MRPS18A: variants seen among roughly 807,000 people sequenced by gnomAD.
The protein encoded by MRPS18A is large ribosomal subunit protein mL66.
MRPS18A carries 20 observed loss-of-function variants against 22.7 expected under a neutral mutation model. The observed-to-expected ratio is 0.88, with a 90% CI of 0.62 to 1.28. The LOEUF (loss-of-function observed/expected upper bound fraction) is 1.28, where lower values mean the gene tolerates loss of function less well. Among genes scored for constraint, MRPS18A ranks in the 50% most tolerant of loss-of-function variants. The probability of loss-of-function intolerance (pLI) is 0.00; values close to 1 mark genes in which losing one functional copy is unlikely to be tolerated. For missense variants in MRPS18A, 294 were observed against 262.6 expected, an observed-to-expected ratio of 1.12 and a Z score of -0.83; for synonymous variants, 106 against 99.1, an observed-to-expected ratio of 1.07 and a Z score of -0.41.
At chr6:43,680,951 G>C (rs1304595488) in intron 2 of MRPS18A, 138 bp downstream of exon 2, 5 of 730,366 alleles carry the variant, frequency 6.8e-6, no homozygotes, top group African/African-American at 5.4e-5. Context: ...AAAAATAGTA[G>C]GCTGTGGGAT....
At chr6:43,672,525 T>G (rs544822676) in intron 5 of MRPS18A, 1 of 438,574 alleles carries the variant, frequency 2.3e-6, no homozygotes, top group Non-Finnish European at 4.8e-6. Flanking sequence ...AGGGCCCTGA[T>G]AGTTCCCAGA....
chr6:43,685,682 C>T (rs1457173130), intron 1 of MRPS18A, among the ~76,000 whole-genome samples: 1 of 152,180 alleles, frequency 6.6e-6, no homozygotes. Flanking sequence ...ATATTTTCAG[C>T]AAGAGAACCA....
At chr6:43,676,921 A>G (rs958520692) in intron 3 of MRPS18A, among the ~76,000 whole-genome samples, 4 of 152,186 alleles carry the variant, frequency 2.6e-5, no homozygotes, top group African/African-American at 9.7e-5. Context: ...GGGCTAATCA[A>G]CTGGGCTGGA....
chr6:43,671,892 C>T lies in MRPS18A; in HGVS notation c.461G>A (p.Trp154Ter). The T allele has an allele frequency of 6.2e-7, 1 of 1,610,400 alleles. No homozygotes were observed. The highest frequency in any genetic ancestry group is 8.5e-7 in the Non-Finnish European group (1 of 1,178,158). Residue 154 changes from tryptophan (W) to a stop codon, truncating the protein, a stop_gained, in exon 6 of 6, where the codon TGG (tryptophan) becomes TAG (stop). Coordinates refer to ENST00000372133, the MANE Select transcript of MRPS18A (RefSeq NM_018135.4). LOFTEE classifies it high-confidence loss of function. ...KPQLNRYLTRWAPGSVKPIYK... is the reference protein window; with the variant it reads ...KPQLNRYLTR ...GATGGGCTTGACGGAGCCAGGAGCC[C>T]AGCGCGTCAGGTACCTGTGGAGGGA...
At chr6:43,675,457 C>A in intron 4 of MRPS18A, 37 bp downstream of exon 4, 2 of 1,613,898 alleles carry the variant, frequency 1.2e-6, no homozygotes, top group Non-Finnish European at 1.7e-6. Flanking sequence ...AGAGTGCCTG[C>A]AGCCCTCTGC....
Position 43,671,504 on chromosome 6 carries a change from C to T in MRPS18A, c.*258G>A. ...ACTGCGTTGGGCAAAACTCCTGTCC[C>T]CAGCACTGAGCATGGCCTAAGCCCC... On this transcript the variant is annotated 3_prime_UTR_variant, in exon 6 of 6. Coordinates refer to ENST00000372133, the MANE Select transcript of MRPS18A (RefSeq NM_018135.4). The T allele has an allele frequency of 3.6e-6, 2 of 550,058 alleles. No homozygotes were observed. The highest frequency in any genetic ancestry group is 6.5e-6 in the Non-Finnish European group (2 of 307,000). 34.1% of individuals were successfully genotyped at this position (550,058 alleles called of 1,614,324 possible).
At position 43,684,268 on chromosome 6, in the gene MRPS18A, C is replaced by A. The variant is rs1026140962; in HGVS notation, c.113-3148G>T. ...AGGGCACTGCTGAAGTGCCCAGAGA[C>A]CAAGGTCCCTCTTGGAGAGGATCTG... is the stretch of plus-strand genomic sequence containing the variant. On this transcript the variant is annotated intron_variant, in intron 1 of 5. Transcript: ENST00000372133. 3.3e-5 allele frequency among the ~76,000 whole-genome samples: 5 copies of A among 151,926 alleles called. No homozygotes were observed. In the East Asian group the frequency reaches 9.6e-4, roughly 29 times the overall value.
chr6:43,685,508 C>A lies in MRPS18A; in HGVS notation c.112+2160G>T, dbSNP rs753277382. Among the ~76,000 whole-genome samples, 69 of 152,194 alleles carry A rather than the reference C, an allele frequency of 4.5e-4. 1 individual carries two copies. Among genetic ancestry groups the A allele is most frequent in the Non-Finnish European group, 7.6e-4 (52 of 68,038 alleles). On this transcript the variant is annotated intron_variant, in intron 1 of 5. Coordinates refer to ENST00000372133, the MANE Select transcript of MRPS18A (RefSeq NM_018135.4). ...TACCAGTTGTGACAACCAAAAATGT[C>A]TGCAGACATGGCCAATTGTTACTGG...
intron 4 of MRPS18A, 38 bp downstream of exon 4, chr6:43,675,456 G>T: frequency 6.2e-7 from 1 of 1,613,864 alleles, no homozygotes; most frequent in Non-Finnish European, 8.5e-7. Flanking sequence ...GAGAGTGCCT[G>T]CAGCCCTCTG....
intron 1 of MRPS18A, among the ~76,000 whole-genome samples, chr6:43,686,322 A>G (rs960170595): frequency 5.9e-5 from 9 of 151,648 alleles, no homozygotes; most frequent in Non-Finnish European, 1.2e-4. Context: ...ATTTTGCAGC[A>G]TGGGAACAAA....
Position 43,687,755 on chromosome 6 carries a change from A to G in MRPS18A, c.25T>C (p.Ser9Pro). Reference sequence around the variant, plus strand: ...CCACGGAGAAGCCGCCCACAGCCGGACACCAGAGCCTTGAGGGCCGCCATC... The same window carrying G: ...CCACGGAGAAGCCGCCCACAGCCGGGCACCAGAGCCTTGAGGGCCGCCATC... Reference protein sequence around the residue: MAALKALVSGCGRLLRGLL... With the variant: MAALKALVPGCGRLLRGLL... Residue 9 changes from serine (S) to proline (P), a missense_variant, in exon 1 of 6, where the codon TCC becomes CCC. Transcript: ENST00000372133. 4.4e-6 allele frequency: 7 copies of G among 1,583,018 alleles called. No homozygotes were observed. Among genetic ancestry groups the G allele is most frequent in the Non-Finnish European group, 6.0e-6 (7 of 1,164,536 alleles).
intron 3 of MRPS18A, among the ~76,000 whole-genome samples, chr6:43,677,664 T>A (rs1774133031): frequency 6.6e-6 from 1 of 152,142 alleles, no homozygotes; most frequent in Non-Finnish European, 1.5e-5. Context: ...GGAGTTTGTA[T>A]CCCAGCTCTG....
rs145704744 is a variant in MRPS18A, at chr6:43,686,826, C to G, written c.112+842G>C. ...CTATGTCCTAAAAGACCGTTTCACTCTCCGCCAGATTCCATCCTTTTGTGA... is the reference window on the plus strand; with the variant it reads ...CTATGTCCTAAAAGACCGTTTCACTGTCCGCCAGATTCCATCCTTTTGTGA... On this transcript the variant is annotated intron_variant, in intron 1 of 5. Transcript: ENST00000372133. 5.7e-3 allele frequency among the ~76,000 whole-genome samples: 868 copies of G among 152,354 alleles called. 10 individuals carry two copies. Among genetic ancestry groups the G allele is most frequent in the African/African-American group, 0.02 (827 of 41,576 alleles).
At chr6:43,678,204 C>T (rs999062698) in intron 3 of MRPS18A, among the ~76,000 whole-genome samples, 4 of 152,190 alleles carry the variant, frequency 2.6e-5, no homozygotes, top group Admixed American at 2.6e-4. Context: ...TGATTCCACA[C>T]TGTGACCTCA....
chr6:43,678,796 T>C (rs1774215120), intron 2 of MRPS18A, among the ~76,000 whole-genome samples, 171 bp from the exon 3 acceptor site: 1 of 152,166 alleles, frequency 6.6e-6, no homozygotes, highest in Non-Finnish European at 1.5e-5. Context: ...ATTCTGTAGT[T>C]GCCGTATGCT....
chr6:43,678,512 A>G lies in MRPS18A; in HGVS notation c.252+6T>C, dbSNP rs1774195602. The G allele has an allele frequency of 6.3e-7, 1 of 1,598,236 alleles. No homozygotes were observed. The highest frequency in any genetic ancestry group is 8.6e-7 in the Non-Finnish European group (1 of 1,165,952). On this transcript the variant is annotated splice_donor_region_variant and intron_variant, in intron 3 of 5. Transcript: ENST00000372133. Reference sequence around the variant, plus strand: ...CAGAACCGAGTGTCTCTGTACCCAGACTCACGTCATAGTTATACTTGTGCT... The same window carrying G: ...CAGAACCGAGTGTCTCTGTACCCAGGCTCACGTCATAGTTATACTTGTGCT...
rs560952992 is a variant in MRPS18A at position 43,675,594 on chromosome 6, G to A, written c.276C>T (p.Phe92=). The change falls in exon 4 of 6, where the codon TTC becomes TTT. Residue 92 remains phenylalanine (F), a synonymous_variant. Transcript: ENST00000372133. The part of the protein sequence containing the change: ...NYDDVLLLSQ[F]IRPHGGMLPR... Reference sequence around the variant, plus strand: ...GCAGCATGCCTCCATGAGGCCGGATGAACTGGCTAAGCAGCAGAACATCCT... The same window carrying A: ...GCAGCATGCCTCCATGAGGCCGGATAAACTGGCTAAGCAGCAGAACATCCT... The A allele has an allele frequency of 6.2e-7, 1 of 1,613,198 alleles. No individual in the cohort carries two copies. Among genetic ancestry groups the A allele is most frequent in the African/African-American group, 1.3e-5 (1 of 75,046 alleles).
In MRPS18A at chr6:43,671,482, G is replaced by A; in HGVS notation, c.*280C>T. On this transcript the variant is annotated 3_prime_UTR_variant, in exon 6 of 6. Coordinates refer to ENST00000372133, the MANE Select transcript of MRPS18A (RefSeq NM_018135.4). Reference sequence around the variant, plus strand: ...GCCCATGAACCCAGTTTATGACACTGCGTTGGGCAAAACTCCTGTCCCCAG... The same window carrying A: ...GCCCATGAACCCAGTTTATGACACTACGTTGGGCAAAACTCCTGTCCCCAG... The A allele has an allele frequency of 2.0e-6, 1 of 511,702 alleles. No individual in the cohort carries two copies. The highest frequency in any genetic ancestry group is 2.2e-5 in the South Asian group (1 of 45,800). The allele number at this position is 511,702 out of a possible 1,614,324, so 31.7% of individuals were successfully genotyped here.
chr6:43,687,751 C>T lies in MRPS18A; in HGVS notation c.29G>A (p.Gly10Asp). 1.9e-6 allele frequency: 3 copies of T among 1,584,142 alleles called. No homozygotes were observed. Among genetic ancestry groups the T allele is most frequent in the East Asian group, 2.3e-5 (1 of 43,862 alleles). MAALKALVS[G>D]CGRLLRGLLA... The stretch of plus-strand genomic sequence containing the variant: ...TAGCCCACGGAGAAGCCGCCCACAG[C>T]CGGACACCAGAGCCTTGAGGGCCGC... The change falls in exon 1 of 6, where the codon GGC becomes GAC. Residue 10 changes from glycine (G) to aspartate (D), a missense_variant. By Grantham distance (94) the Gly-to-Asp change is moderately conservative. Transcript: ENST00000372133.
Sources: gnomAD v4.1 joint callset for allele counts (sites outside exome capture counted in the v4.1 genomes callset) on GRCh38, gnomAD v4.1.1 for gene constraint, MANE v1.5 for transcripts, NCBI Gene and HGNC (gene_info 2026-07-23, HGNC 2026-07-21) for gene names.